The following CFAP46 variants were observed in gnomAD, a reference collection of about 807,000 sequenced individuals.
The protein encoded by CFAP46 is cilia and flagella associated protein 46.
A neutral mutation model predicts 325.7 loss-of-function variants in CFAP46; 245 were observed. That is an observed-to-expected ratio of 0.75 (90% confidence interval 0.68 to 0.84). The LOEUF (loss-of-function observed/expected upper bound fraction) is 0.84. CFAP46 is among the 40% of genes least tolerant of loss of function. CFAP46 has a pLI of 0.00. For synonymous variants in CFAP46, 1,523 were observed against 1,495.9 expected (o/e 1.02, Z -0.42); for missense variants, 3,346 against 3,543.0 (o/e 0.94, Z 1.41).
chr10:132,880,776 C>T (rs1297793661), intron 28 of CFAP46, 85 bp downstream of exon 28: 1 of 1,460,474 alleles, frequency 6.8e-7, no homozygotes, highest in African/African-American at 1.4e-5. Context: ...ACATGGATAC[C>T]CAACGGCGGT....
In CFAP46 at chr10:132,828,729, T is replaced by A. The variant is rs1237298015; in HGVS notation, c.7117+4629A>T. ...GCTAGAAATGTGAGGGTCTTTGGTC[T>A]CGGATCCATTTCGAGCTGATTTTCC... is the stretch of plus-strand genomic sequence containing the variant. On this transcript the variant is annotated intron_variant, in intron 50 of 57. Coordinates refer to ENST00000368586, the MANE Select transcript of CFAP46 (RefSeq NM_001200049.3). This position sits in a 1 kb window ranked among gnomAD's most constrained non-coding sequence, Gnocchi z 4.9. Among the ~76,000 whole-genome samples, 7 of 152,196 alleles carry A rather than the reference T, an allele frequency of 4.6e-5. No homozygotes were observed. The highest frequency in any genetic ancestry group is 3.3e-4 in the Admixed American group (5 of 15,274).
chr10:132,878,224 C>G, intron 29 of CFAP46, 137 bp from the exon 30 acceptor site: 2 of 803,582 alleles, frequency 2.5e-6, no homozygotes, highest in Non-Finnish European at 4.0e-6. Context: ...TCTTGCGTCC[C>G]CGTCAGCTGC....
chr10:132,844,447 C>A (rs971961478), intron 44 of CFAP46, among the ~76,000 whole-genome samples: 2 of 152,176 alleles, frequency 1.3e-5, no homozygotes, highest in Non-Finnish European at 2.9e-5. Context: ...AAATATGAGG[C>A]TCTGCCATTC....
intron 8 of CFAP46, among the ~76,000 whole-genome samples, chr10:132,932,943 A>T: frequency 6.6e-6 from 1 of 152,374 alleles, no homozygotes; most frequent in Admixed American, 6.5e-5. Context: ...GTGTCCCTGC[A>T]GCTGCCCGCT....
chr10:132,942,498 T>C lies in CFAP46; in HGVS notation c.-14A>G, dbSNP rs1214597396. 7.9e-7 allele frequency: 1 copy of C among 1,271,376 alleles called. No individual in the cohort carries two copies. The highest frequency in any genetic ancestry group is 4.2e-5 in the Admixed American group (1 of 24,056). The allele number at this position is 1,271,376 out of a possible 1,614,324, so 78.8% of individuals were successfully genotyped here. Reference sequence around the variant, plus strand: ...GACCAGGTCCATGGCGCCGGCGCCCTGCTCGTCCGCTCTCTCCGGGGTCCG... The same window carrying C: ...GACCAGGTCCATGGCGCCGGCGCCCCGCTCGTCCGCTCTCTCCGGGGTCCG... On this transcript the variant is annotated 5_prime_UTR_variant, in exon 1 of 58. Coordinates refer to ENST00000368586, the MANE Select transcript of CFAP46 (RefSeq NM_001200049.3).
At chr10:132,826,455 C>T (rs1848054441) in intron 50 of CFAP46, among the ~76,000 whole-genome samples, 1 of 91,032 alleles carries the variant, frequency 1.1e-5, no homozygotes, top group African/African-American at 3.3e-5. Context: ...CAGGCAGGAG[C>T]CGGAGCCACA....
chr10:132,892,156 T>G (rs1362666557), intron 25 of CFAP46, among the ~76,000 whole-genome samples, 177 bp downstream of exon 25: 1 of 152,216 alleles, frequency 6.6e-6, no homozygotes, highest in Non-Finnish European at 1.5e-5. Context: ...GGCTCATTCC[T>G]GAAGAGCACT....
intron 25 of CFAP46, among the ~76,000 whole-genome samples, chr10:132,890,151 C>T (rs1849234313): frequency 6.6e-6 from 1 of 152,048 alleles, no homozygotes; most frequent in Non-Finnish European, 1.5e-5. Flanking sequence ...AGGCACAAAA[C>T]CCCCCTCCAC....
At chr10:132,851,081 C>A in intron 40 of CFAP46, 36 bp downstream of exon 40, 1 of 1,610,666 alleles carries the variant, frequency 6.2e-7, no homozygotes, top group Non-Finnish European at 8.5e-7. Flanking sequence ...TGGCCTGGCG[C>A]TCCCTCCACC....
intron 50 of CFAP46, among the ~76,000 whole-genome samples, chr10:132,824,459 G>A (rs1847987940): frequency 8.2e-6 from 1 of 122,654 alleles, no homozygotes; most frequent in Admixed American, 8.1e-5. Flanking sequence ...TGTGCTGTGT[G>A]CTGATGTGTG....
chr10:132,896,411 A>C (rs1323284474), intron 24 of CFAP46, among the ~76,000 whole-genome samples: 3 of 152,268 alleles, frequency 2.0e-5, no homozygotes, highest in Non-Finnish European at 4.4e-5. Flanking sequence ...CCAGACTTTG[A>C]TAAATAAATT....
At chr10:132,854,487 G>A (rs1399095759) in intron 39 of CFAP46, among the ~76,000 whole-genome samples, 4 of 152,048 alleles carry the variant, frequency 2.6e-5, no homozygotes, top group East Asian at 3.9e-4. Flanking sequence ...ACAGGCGCCC[G>A]CCACCATGCC....
At chr10:132,818,182 A>G (rs2134801077) in intron 50 of CFAP46, among the ~76,000 whole-genome samples, 2 of 152,238 alleles carry the variant, frequency 1.3e-5, no homozygotes, top group Admixed American at 1.3e-4. Context: ...TGCCCCTGCC[A>G]TGACAGTGGT....
rs535798930 is a variant in CFAP46 at position 132,860,865 on chromosome 10, C to T, written c.5008G>A (p.Gly1670Arg). ...GAATTGTACCAGAACTCCTCACTTC[C>T]GCCCAGGTGCTGGGCCTGTGCGATC... ...KMIAQAQHLGGSEEFWYNSTL... is the reference protein window; with the variant it reads ...KMIAQAQHLGRSEEFWYNSTL... Residue 1670 changes from glycine (G) to arginine (R), a missense_variant, in exon 36 of 58, where the codon GGA (glycine) becomes AGA (arginine). Transcript: ENST00000368586. 2.5e-5 allele frequency: 38 copies of T among 1,551,006 alleles called. No homozygotes were observed. The highest frequency in any genetic ancestry group is 2.0e-4 in the East Asian group (8 of 40,930).
In CFAP46 at chr10:132,834,109, G is replaced by A. The variant is rs772862533; in HGVS notation, c.6881C>T (p.Ala2294Val). The change falls in exon 49 of 58, where the codon GCG becomes GTG. Residue 2294 changes from alanine to valine, a missense_variant. Ala to Val is a moderately conservative substitution (Grantham distance 64, BLOSUM62 0). Coordinates refer to ENST00000368586, the MANE Select transcript of CFAP46 (RefSeq NM_001200049.3). ...CGACTTCCCTGAATCGGCAACAACC[G>A]CAGGTGTCTGCACTCTGAAAGTCAG... ...SLSKARVQTP[A>V]VVADSGKSKG... The A allele has an allele frequency of 1.2e-5, 19 of 1,613,868 alleles. No homozygotes were observed. In the East Asian group the frequency reaches 1.6e-4, roughly 13 times the overall value.
chr10:132,857,241 C>A (rs1186488942), intron 39 of CFAP46, among the ~76,000 whole-genome samples: 1 of 152,202 alleles, frequency 6.6e-6, no homozygotes, highest in Admixed American at 6.5e-5. Context: ...CCCTCTCCTG[C>A]CCTCCCCTCC....
At chr10:132,937,417 T>C (rs1850025679) in intron 6 of CFAP46, 135 bp downstream of exon 6, 1 of 960,174 alleles carries the variant, frequency 1.0e-6, no homozygotes, top group East Asian at 2.6e-5. Flanking sequence ...TATGCTTATG[T>C]AATTTTGTTC....
chr10:132,877,327 C>T lies in CFAP46; in HGVS notation c.4213-366G>A, dbSNP rs982284071. 6.6e-5 allele frequency among the ~76,000 whole-genome samples: 10 copies of T among 152,110 alleles called. No individual in the cohort carries two copies. Among genetic ancestry groups the T allele is most frequent in the African/African-American group, 1.9e-4 (8 of 41,404 alleles). ...AGCGTCCCATGAACTCAGCAGTGCT[C>T]GTGCCGGGGTCCAGGTGTGAGCGTC... On this transcript the variant is annotated intron_variant, in intron 30 of 57. Transcript: ENST00000368586. This position sits in a 1 kb window ranked among gnomAD's most constrained non-coding sequence, Gnocchi z 5.7.
intron 17 of CFAP46, among the ~76,000 whole-genome samples, chr10:132,915,373 G>A (rs112889421): frequency 1.3e-4 from 20 of 152,376 alleles, no homozygotes; most frequent in East Asian, 3.9e-4. Flanking sequence ...CACAGAGCCC[G>A]GAGCTGCTGC....
Sources: gnomAD v4.1 joint callset for allele counts (sites outside exome capture counted in the v4.1 genomes callset) on GRCh38, gnomAD v4.1.1 for gene constraint, Gnocchi (gnomAD v3.1) non-coding constraint, MANE v1.5 for transcripts, NCBI Gene and HGNC (gene_info 2026-07-23, HGNC 2026-07-21) for gene names.